The following CPLANE1 variants were observed in gnomAD, a reference collection of about 807,000 sequenced individuals.
CPLANE1 encodes the protein ciliogenesis and planar polarity effector complex subunit 1.
Under a neutral mutation model 362.5 loss-of-function variants are expected in CPLANE1, and 263 were observed. That is an observed-to-expected ratio of 0.73 (90% confidence interval 0.66 to 0.80). The LOEUF (loss-of-function observed/expected upper bound fraction) is 0.80, where lower values mean the gene tolerates loss of function less well. Among genes scored for constraint, CPLANE1 ranks in the 30% least tolerant of loss-of-function variants. The probability of loss-of-function intolerance (pLI) is 0.00; values close to 1 mark genes in which losing one functional copy is unlikely to be tolerated. For synonymous variants in CPLANE1, 1,212 were observed against 1,302.6 expected (o/e 0.93, Z 1.50); for missense variants, 3,461 against 3,793.4 (o/e 0.91, Z 2.30).
At chr5:37,190,984 A>T (rs1337264383) in intron 21 of CPLANE1, among the ~76,000 whole-genome samples, 1 of 152,006 alleles carries the variant, frequency 6.6e-6, no homozygotes, top group Non-Finnish European at 1.5e-5. Context: ...CTTACTTATT[A>T]AAAAAAACTG....
intron 26 of CPLANE1, among the ~76,000 whole-genome samples, chr5:37,182,518 CCTTTTTTT>C (rs1233610793): frequency 6.6e-6 from 1 of 152,134 alleles, no homozygotes. Flanking sequence ...TTATCTCCTT[CCTTTTTTT>C]CTTTTTTATA....
chr5:37,191,598 G>A (rs1392570538), intron 21 of CPLANE1, among the ~76,000 whole-genome samples: 1 of 152,250 alleles, frequency 6.6e-6, no homozygotes, highest in East Asian at 1.9e-4. Flanking sequence ...CTGAACCCGG[G>A]AGGCAGAGGC....
chr5:37,085,374 C>A, the CPLANE1 span: 1 of 1,345,180 alleles, frequency 7.4e-7, no homozygotes, highest in Non-Finnish European at 1.1e-6. Flanking sequence ...CACCAAGGGT[C>A]GCTTTGCTGT....
At chr5:37,148,567 A>G (rs1230319190) in intron 42 of CPLANE1, among the ~76,000 whole-genome samples, 1 of 152,212 alleles carries the variant, frequency 6.6e-6, no homozygotes, top group Non-Finnish European at 1.5e-5. Flanking sequence ...AACAAAGCCC[A>G]GAGAGATTCA....
intron 21 of CPLANE1, among the ~76,000 whole-genome samples, chr5:37,194,332 AAT>A (rs1394045650): frequency 7.9e-5 from 12 of 152,344 alleles, no homozygotes; most frequent in African/African-American, 2.9e-4. Flanking sequence ...AAATATTAAA[AAT>A]ATGTGTTCAA....
intron 43 of CPLANE1, among the ~76,000 whole-genome samples, chr5:37,145,786 A>G (rs940601023): frequency 2.6e-5 from 4 of 152,232 alleles, no homozygotes; most frequent in African/African-American, 4.8e-5. Context: ...CCATGAAATA[A>G]GATATTAGAA....
chr5:37,113,809 GT>G (rs1222599635), intron 51 of CPLANE1, among the ~76,000 whole-genome samples: 7 of 151,880 alleles, frequency 4.6e-5, no homozygotes, highest in Non-Finnish European at 8.8e-5. Flanking sequence ...AACTAGTGGG[GT>G]TTTTTTGTTT....
intron 16 of CPLANE1, chr5:37,212,434 T>G: frequency 1.3e-6 from 1 of 741,846 alleles, no homozygotes; most frequent in East Asian, 2.5e-5. Flanking sequence ...TTACATAACA[T>G]TTACTCCTTT....
At chr5:37,102,437 C>G (rs1299967790), downstream of CPLANE1, among the ~76,000 whole-genome samples, 1 of 152,154 alleles carries the variant, frequency 6.6e-6, no homozygotes, top group African/African-American at 2.4e-5. Context: ...CTCCACCCAC[C>G]TCGGCCTCCC....
intron 16 of CPLANE1, among the ~76,000 whole-genome samples, chr5:37,207,850 A>C (rs1580737316): frequency 6.6e-6 from 1 of 152,146 alleles, no homozygotes; most frequent in Non-Finnish European, 1.5e-5. Context: ...AACATGGCTT[A>C]CATCATCTGG....
intron 16 of CPLANE1, chr5:37,210,585 C>T (rs1411863410): frequency 1.5e-5 from 23 of 1,583,284 alleles, no homozygotes; most frequent in Admixed American, 1.8e-5. Context: ...AGAACTTGAG[C>T]TTGAATTAGA....
At chr5:37,211,107 A>G in intron 16 of CPLANE1, 1 of 1,051,290 alleles carries the variant, frequency 9.5e-7, no homozygotes, top group Non-Finnish European at 1.5e-6. Context: ...GGTGCTTCAC[A>G]ATGGTGAGAT....
At position 37,142,375 on chromosome 5, in the gene CPLANE1, A is replaced by G; in HGVS notation, c.8567T>C (p.Val2856Ala). ...TENYSGQKTC[V>A]FPTADSAVSL... ...GACAGCTGAATCGGCAGTAGGAAAC[A>G]CACAGGTTTTCTGACCAGAATAATT... The change falls in exon 44 of 53, where the codon GTG becomes GCG. Residue 2856 changes from valine to alanine, a missense_variant. Around this residue, in one of 2 missense-constraint regions of CPLANE1, gnomAD observed 3,380 missense variants for 3,666.1 expected, o/e 0.92. Transcript: ENST00000651892. 1 of 1,611,580 alleles carries G rather than the reference A, an allele frequency of 6.2e-7. No homozygotes were observed. The highest frequency in any genetic ancestry group is 8.5e-7 in the Non-Finnish European group (1 of 1,178,862).
chr5:37,083,154 G>A, the CPLANE1 span, among the ~76,000 whole-genome samples: 8 of 152,230 alleles, frequency 5.3e-5, no homozygotes, highest in African/African-American at 1.9e-4. Flanking sequence ...AGACTTGCTG[G>A]GTGGCTAGAT....
intron 44 of CPLANE1, chr5:37,141,097 C>T (rs960970334): frequency 4.1e-6 from 4 of 985,278 alleles, no homozygotes; most frequent in African/African-American, 3.5e-5. Context: ...CAAAATGTCT[C>T]GTTTCTTCTA....
At chr5:37,233,600 C>A (rs1302495440) in intron 8 of CPLANE1, among the ~76,000 whole-genome samples, 1 of 152,062 alleles carries the variant, frequency 6.6e-6, no homozygotes, top group African/African-American at 2.4e-5. Flanking sequence ...CCCAAACCAT[C>A]ACAACTTCCA....
Position 37,247,765 on chromosome 5 carries a change from T to C in CPLANE1, c.-47-20A>G. The C allele has an allele frequency of 2.1e-6, 3 of 1,429,290 alleles. No individual in the cohort carries two copies. Among genetic ancestry groups the C allele is most frequent in the Non-Finnish European group, 2.8e-6 (3 of 1,071,102 alleles). 88.5% of individuals were successfully genotyped at this position (1,429,290 alleles called of 1,614,324 possible). A position where few individuals can be genotyped will look rare whatever the true frequency, so the allele number is the denominator to read the frequency against. On this transcript the variant is annotated intron_variant, in intron 1 of 52. Coordinates refer to ENST00000651892, the MANE Select transcript of CPLANE1 (RefSeq NM_001384732.1). ...AAGATTCTGTAAACAATAATAGTAA[T>C]AAAATATAAATGATGCATAATATTC... is the stretch of plus-strand genomic sequence containing the variant.
At chr5:37,109,046 A>G (rs929010782) in intron 51 of CPLANE1, among the ~76,000 whole-genome samples, 43 of 152,224 alleles carry the variant, frequency 2.8e-4, no homozygotes, top group African/African-American at 9.2e-4. Context: ...TTCTCTGCAC[A>G]AAGCCCTAGA....
At position 37,157,760 on chromosome 5, in the gene CPLANE1, C is replaced by G; in HGVS notation, c.7921G>C (p.Asp2641His). 6.2e-7 allele frequency: 1 copy of G among 1,613,658 alleles called. No homozygotes were observed. Among genetic ancestry groups the G allele is most frequent in the South Asian group, 1.1e-5 (1 of 91,062 alleles). The stretch of plus-strand genomic sequence containing the variant: ...GCAGACGATGGAACTGCTAGATGAT[C>G]GCTTTGCTGTTTGATAACATTATCA... ...SNDNVIKQQS[D>H]HLAVPSSAEL... Residue 2641 changes from aspartate (D) to histidine (H), a missense_variant, in exon 40 of 53, where the codon GAT becomes CAT. Physicochemically the swap from Asp to His is moderately conservative, Grantham distance 81 (BLOSUM62 -1). This residue lies in a region of CPLANE1 where 3,380 missense variants were observed against 3,666.1 expected (regional missense o/e 0.92). Transcript: ENST00000651892.
Sources: allele counts gnomAD v4.1 joint callset (sites outside exome capture counted in the v4.1 genomes callset), GRCh38; gene constraint gnomAD v4.1.1; regional missense constraint gnomAD v4.1.1; transcripts MANE v1.5; gene names NCBI Gene and HGNC (gene_info 2026-07-23, HGNC 2026-07-21).